Variants in TEAD1 observed in about 807,000 individuals in gnomAD.
The protein encoded by TEAD1 is TEA domain transcription factor 1.
A neutral mutation model predicts 54.9 loss-of-function variants in TEAD1; 9 were observed. The ratio of observed to expected loss-of-function variants is 0.16; its 90% CI spans 0.10 to 0.29. TEAD1 has a LOEUF of 0.29. Among genes scored for constraint, TEAD1 ranks in the 10% least tolerant of loss-of-function variants. The pLI, the probability that TEAD1 is intolerant of heterozygous loss-of-function variation, is 1.00. For synonymous variants in TEAD1, 200 were observed against 187.8 expected, an observed-to-expected ratio of 1.07 and a Z score of -0.53; for missense variants, 387 against 535.9, an observed-to-expected ratio of 0.72 and a Z score of 2.74.
chr11:12,850,471 A>G (rs1947252134), intron 3 of TEAD1, among the ~76,000 whole-genome samples: 1 of 152,194 alleles, frequency 6.6e-6, no homozygotes, highest in African/African-American at 2.4e-5. Context: ...GAGCCCCAGA[A>G]GGTGCCAGAG....
At chr11:12,772,603 T>TA (rs550403846) in intron 3 of TEAD1, among the ~76,000 whole-genome samples, 1 of 152,192 alleles carries the variant, frequency 6.6e-6, no homozygotes, top group Non-Finnish European at 1.5e-5. Flanking sequence ...CAGAGAGTAT[T>TA]ACTTTCTTTT....
chr11:12,698,601 C>T (rs1227425059), intron 2 of TEAD1, among the ~76,000 whole-genome samples: 2 of 151,664 alleles, frequency 1.3e-5, no homozygotes, highest in Admixed American at 6.6e-5. Flanking sequence ...TGATTGAGTG[C>T]TCTGAAACCT....
At chr11:12,937,044 G>A (rs1446972983) in intron 12 of TEAD1, 65 bp from the exon 13 acceptor site, 41 of 1,123,690 alleles carry the variant, frequency 3.6e-5, no homozygotes, top group Admixed American at 2.3e-4. Context: ...AGTCATAGTC[G>A]TCATACACAG....
In TEAD1 at chr11:12,674,748, G is replaced by C. The variant is rs1170100810; in HGVS notation, c.-294G>C. On this transcript the variant is annotated 5_prime_UTR_variant, in exon 1 of 13. Coordinates refer to ENST00000527636, the MANE Select transcript of TEAD1 (RefSeq NM_021961.6). ...GCCCAGGGACCGGGAGCCGGGGAGG[G>C]AGCCGGGCACCGAGCAGAGGGCGGG... 1 of 151,052 alleles carries C rather than the reference G, an allele frequency of 6.6e-6. No homozygotes were observed. The highest frequency in any genetic ancestry group is 1.5e-5 in the Non-Finnish European group (1 of 67,738). 9.4% of individuals were successfully genotyped at this position (151,052 alleles called of 1,614,324 possible).
intron 5 of TEAD1, among the ~76,000 whole-genome samples, chr11:12,867,297 G>GGGCTGGGCATTCAGCCTTTGC (rs1310323788): frequency 2.0e-5 from 3 of 152,140 alleles, no homozygotes; most frequent in Non-Finnish European, 2.9e-5. Flanking sequence ...ACAGTCTTTG[G>GGGCTGGGCATTCAGCCTTTGC]GGCTGGGCAT....
intron 3 of TEAD1, among the ~76,000 whole-genome samples, chr11:12,800,542 G>A (rs191373927): frequency 7.8e-4 from 119 of 152,314 alleles, no homozygotes; most frequent in African/African-American, 2.5e-3. Context: ...GGAGGGGGAC[G>A]CAAAGCATAT....
intron 3 of TEAD1, among the ~76,000 whole-genome samples, chr11:12,854,993 G>A (rs1947344835): frequency 1.3e-5 from 2 of 152,142 alleles, no homozygotes; most frequent in Admixed American, 6.5e-5. Flanking sequence ...GCCAGCTTCC[G>A]TAGGCCTCCT....
At chr11:12,879,473 A>T in intron 5 of TEAD1, 1 of 640,078 alleles carries the variant, frequency 1.6e-6, no homozygotes, top group East Asian at 2.7e-5. Context: ...TGGAAAATGG[A>T]TTTAATCCCT....
rs528248533 is a variant in TEAD1 at position 12,894,864 on chromosome 11, A to G, written c.700-7076A>G. Among the ~76,000 whole-genome samples, 10 of 152,326 alleles carry G rather than the reference A, an allele frequency of 6.6e-5. No homozygotes were observed. In the East Asian group the frequency reaches 1.9e-3, roughly 29 times the overall value. On this transcript the variant is annotated intron_variant, in intron 9 of 12. Coordinates refer to ENST00000527636, the MANE Select transcript of TEAD1 (RefSeq NM_021961.6). Reference sequence around the variant, plus strand: ...CAAATTACGTGCTATGTACAGTGTTATGTGTTTTCCTTGCATTATCTCATT... The same window carrying G: ...CAAATTACGTGCTATGTACAGTGTTGTGTGTTTTCCTTGCATTATCTCATT...
chr11:12,904,875 A>C, intron 10 of TEAD1: 1 of 360,702 alleles, frequency 2.8e-6, no homozygotes, highest in Non-Finnish European at 5.3e-6. Flanking sequence ...CACACCTGTT[A>C]CGGCAAATTC....
At chr11:12,934,552 TAAA>T (rs2134175831) in intron 12 of TEAD1, among the ~76,000 whole-genome samples, 1 of 148,140 alleles carries the variant, frequency 6.8e-6, no homozygotes, top group East Asian at 2.0e-4. Context: ...AAAAAATAAA[TAAA>T]TAAATAAAGC....
intron 2 of TEAD1, among the ~76,000 whole-genome samples, chr11:12,741,851 T>C (rs1944657325): frequency 6.6e-6 from 1 of 152,210 alleles, no homozygotes; most frequent in Non-Finnish European, 1.5e-5. Flanking sequence ...GGGATCACAG[T>C]GGCCAGAGTC....
intron 3 of TEAD1, among the ~76,000 whole-genome samples, chr11:12,850,677 T>C (rs2134050120): frequency 6.6e-6 from 1 of 152,328 alleles, no homozygotes; most frequent in Middle Eastern, 3.4e-3. Context: ...ATCGGCAGCA[T>C]TGCATCATTA....
chr11:12,876,486 C>A (rs1252128018), intron 5 of TEAD1, among the ~76,000 whole-genome samples: 1 of 152,108 alleles, frequency 6.6e-6, no homozygotes, highest in Admixed American at 6.5e-5. Context: ...ACGTGGAACT[C>A]TTCGGGTCTG....
chr11:12,809,280 C>A (rs951931922), intron 3 of TEAD1, among the ~76,000 whole-genome samples: 2 of 152,170 alleles, frequency 1.3e-5, no homozygotes, highest in Non-Finnish European at 2.9e-5. Context: ...GTTCTTGTTC[C>A]TGGTGAATTC....
chr11:12,853,237 C>T lies in TEAD1; in HGVS notation c.203-9013C>T, dbSNP rs1286286780. On this transcript the variant is annotated intron_variant, in intron 3 of 12. Transcript: ENST00000527636. ...ATACCTTAGCATGGCAGGGTGGGTTCAGGGAACTGGAAGCTTGGTAGGTAT... is the reference window on the plus strand; with the variant it reads ...ATACCTTAGCATGGCAGGGTGGGTTTAGGGAACTGGAAGCTTGGTAGGTAT... Among the ~76,000 whole-genome samples, 8 of 151,892 alleles carry T rather than the reference C, an allele frequency of 5.3e-5. No homozygotes were observed. The South Asian group carries it at 1.3e-3, about 24-fold the overall frequency.
chr11:12,879,588 C>CT (rs1947924678), intron 5 of TEAD1, 120 bp from the exon 6 acceptor site: 5 of 1,268,884 alleles, frequency 3.9e-6, no homozygotes, highest in South Asian at 1.2e-5. Context: ...TGCATGTTTG[C>CT]TTTTTTTGGC....
At chr11:12,724,619 C>T (rs1024073899) in intron 2 of TEAD1, among the ~76,000 whole-genome samples, 1 of 152,204 alleles carries the variant, frequency 6.6e-6, no homozygotes, top group Non-Finnish European at 1.5e-5. Flanking sequence ...ATGGACAGAA[C>T]CCCTTTGGGA....
chr11:12,764,074 A>G, intron 2 of TEAD1, 105 bp from the exon 3 acceptor site: 1 of 722,914 alleles, frequency 1.4e-6, no homozygotes, highest in Non-Finnish European at 2.2e-6. Flanking sequence ...AAATAATAAA[A>G]TGAAATGAAA....
Sources: allele counts gnomAD v4.1 joint callset (sites outside exome capture counted in the v4.1 genomes callset), GRCh38; gene constraint gnomAD v4.1.1; transcripts MANE v1.5; gene names NCBI Gene and HGNC (gene_info 2026-07-23, HGNC 2026-07-21).